The following EPHB2 variants were observed in gnomAD, a reference collection of about 807,000 sequenced individuals.
The protein encoded by EPHB2 is ephrin type-B receptor 2.
In EPHB2, 18 loss-of-function variants were observed where a neutral mutation model predicts 96.4. The ratio of observed to expected loss-of-function variants is 0.19; its 90% CI spans 0.13 to 0.28. The LOEUF is 0.28. EPHB2 is among the 10% of genes least tolerant of loss of function. EPHB2 has a pLI of 1.00. For missense variants in EPHB2, 989 were observed against 1,355.4 expected, an observed-to-expected ratio of 0.73 and a Z score of 4.25; for synonymous variants, 506 against 534.1, an observed-to-expected ratio of 0.95 and a Z score of 0.72.
At chr1:22,775,218 T>A (rs776503427) in intron 1 of EPHB2, 1 of 779,848 alleles carries the variant, frequency 1.3e-6, no homozygotes, top group South Asian at 1.3e-5. Flanking sequence ...GTTCCAGTCC[T>A]AGCCCTGCCT....
intron 3 of EPHB2, among the ~76,000 whole-genome samples, chr1:22,802,457 A>G (rs1644858341): frequency 1.3e-5 from 2 of 152,072 alleles, no homozygotes; most frequent in Non-Finnish European, 2.9e-5. Flanking sequence ...TGTCTAGAGA[A>G]TCTGCCACCA....
intron 3 of EPHB2, among the ~76,000 whole-genome samples, chr1:22,830,542 A>G (rs541132762): frequency 5.0e-4 from 76 of 152,238 alleles, no homozygotes; most frequent in African/African-American, 1.7e-3. Flanking sequence ...CTGGCCCTTA[A>G]TGTGTTCAAA....
intron 1 of EPHB2, among the ~76,000 whole-genome samples, chr1:22,779,504 C>T (rs994305887): frequency 2.6e-5 from 4 of 152,208 alleles, no homozygotes; most frequent in African/African-American, 9.7e-5. Flanking sequence ...TTATCCCCTC[C>T]ACCCCTGCCA....
At chr1:22,761,210 C>A (rs958040286) in intron 1 of EPHB2, among the ~76,000 whole-genome samples, 2 of 152,202 alleles carry the variant, frequency 1.3e-5, no homozygotes, top group Non-Finnish European at 2.9e-5. Context: ...TGATGCACAG[C>A]CAGCTGCTAC....
At chr1:22,826,660 C>A (rs1184043290) in intron 3 of EPHB2, among the ~76,000 whole-genome samples, 1 of 152,270 alleles carries the variant, frequency 6.6e-6, no homozygotes, top group East Asian at 1.9e-4. Context: ...TCCCCCAGGA[C>A]AGTGAGCTCT....
At chr1:22,853,399 G>A (rs1404738160) in intron 3 of EPHB2, among the ~76,000 whole-genome samples, 1 of 152,196 alleles carries the variant, frequency 6.6e-6, no homozygotes, top group East Asian at 1.9e-4. Flanking sequence ...GCCAGACCTC[G>A]GGGTTACCCA....
rs1487297022 is a variant in EPHB2 at position 22,863,361 on chromosome 1, C to T, written c.967+169C>T. 3 of 1,039,910 alleles carry T rather than the reference C, an allele frequency of 2.9e-6. No individual in the cohort carries two copies. The African/African-American group carries it at 4.7e-5, about 16-fold the overall frequency. 64.4% of individuals were successfully genotyped at this position (1,039,910 alleles called of 1,614,324 possible). On this transcript the variant is annotated intron_variant, in intron 4 of 15. Transcript: ENST00000374630. ...GGGCATCCTGGGGTGGCCATGCTCC[C>T]ACCTTGCAGACACCACAGTGCTGGC... is the stretch of plus-strand genomic sequence containing the variant.
chr1:22,908,896 A>T, intron 12 of EPHB2, 126 bp from the exon 13 acceptor site: 4 of 1,433,204 alleles, frequency 2.8e-6, no homozygotes, highest in South Asian at 2.4e-5. Context: ...GCTGCATGGT[A>T]AGTTTGGGGC....
intron 3 of EPHB2, among the ~76,000 whole-genome samples, chr1:22,849,796 C>G (rs549429020): frequency 6.6e-5 from 10 of 152,350 alleles, no homozygotes; most frequent in Non-Finnish European, 1.3e-4. Context: ...ATCTCTCTTG[C>G]TCTGTCACTT....
At position 22,910,453 on chromosome 1, in the gene EPHB2, C is replaced by T. The variant is rs770058574; in HGVS notation, c.2574C>T (p.Leu858=). The change falls in exon 14 of 16, where the codon CTC becomes CTT. Residue 858 remains leucine (L), a synonymous_variant. Coordinates refer to ENST00000374630, the MANE Select transcript of EPHB2 (RefSeq NM_017449.5). ...ACTGCCCGAGCGCCCTGCACCAACTCATGCTGGACTGTTGGCAGAAGGACC... is the reference window on the plus strand; with the variant it reads ...ACTGCCCGAGCGCCCTGCACCAACTTATGCTGGACTGTTGGCAGAAGGACC... The part of the protein sequence containing the change: ...PMDCPSALHQ[L]MLDCWQKDRN... The T allele has an allele frequency of 1.9e-6, 3 of 1,614,222 alleles. No homozygotes were observed. The highest frequency in any genetic ancestry group is 1.7e-5 in the Admixed American group (1 of 60,034).
At chr1:22,796,598 C>T (rs1156838790) in intron 3 of EPHB2, among the ~76,000 whole-genome samples, 3 of 152,232 alleles carry the variant, frequency 2.0e-5, no homozygotes, top group African/African-American at 7.2e-5. Flanking sequence ...AAGGCCACAG[C>T]TTGCCAGCTT....
chr1:22,741,690 A>C (rs80232271), intron 1 of EPHB2, among the ~76,000 whole-genome samples: 2,890 of 133,702 alleles, frequency 0.022, 176 homozygotes, highest in East Asian at 0.16. Context: ...AAAAAAAAAC[A>C]AAAAAACAAA....
chr1:22,864,791 G>T, intron 4 of EPHB2, 86 bp from the exon 5 acceptor site: 2 of 847,064 alleles, frequency 2.4e-6, no homozygotes, highest in South Asian at 1.7e-5. Context: ...CAGAGGGGCT[G>T]AGCCAGAGCA....
At chr1:22,825,423 T>C (rs2148479261) in intron 3 of EPHB2, among the ~76,000 whole-genome samples, 1 of 148,790 alleles carries the variant, frequency 6.7e-6, no homozygotes, top group Non-Finnish European at 1.5e-5. Context: ...TGGAGAGGGC[T>C]GGGAAGGAGC....
intron 12 of EPHB2, among the ~76,000 whole-genome samples, chr1:22,908,528 G>A (rs900099102): frequency 2.0e-5 from 3 of 152,270 alleles, no homozygotes; most frequent in Admixed American, 1.3e-4. Flanking sequence ...GGCTGTAGGG[G>A]CAGTGGTAGT....
At chr1:22,783,889 C>G (rs573161803) in intron 2 of EPHB2, among the ~76,000 whole-genome samples, 1 of 152,280 alleles carries the variant, frequency 6.6e-6, no homozygotes, top group East Asian at 1.9e-4. Flanking sequence ...TCTTCCCCAT[C>G]ATCCTAGGCG....
chr1:22,810,111 G>A (rs1404537551), intron 3 of EPHB2, among the ~76,000 whole-genome samples: 2 of 152,268 alleles, frequency 1.3e-5, no homozygotes, highest in East Asian at 3.9e-4. Flanking sequence ...CAGCCTGATG[G>A]GGTGTTTGGT....
intron 1 of EPHB2, among the ~76,000 whole-genome samples, chr1:22,778,048 C>T (rs768393311): frequency 6.6e-5 from 10 of 152,130 alleles, no homozygotes; most frequent in Non-Finnish European, 1.3e-4. Flanking sequence ...TCTTCTTAGA[C>T]ATAGTCTTGC....
chr1:22,914,129 C>A lies in EPHB2; in HGVS notation c.*559C>A. On this transcript the variant is annotated 3_prime_UTR_variant, in exon 16 of 16. Transcript: ENST00000374630. ...CCCCTCTGGGAAAATCTATTCCTGC[C>A]ACCACTGGGCAAACAGAAGAATTTT... 2.2e-6 allele frequency: 1 copy of A among 455,370 alleles called. No homozygotes were observed. The highest frequency in any genetic ancestry group is 2.0e-5 in the African/African-American group (1 of 50,478). The allele number at this position is 455,370 out of a possible 1,614,324, so 28.2% of individuals were successfully genotyped here.
Sources: allele counts gnomAD v4.1 joint callset (sites outside exome capture counted in the v4.1 genomes callset), GRCh38; gene constraint gnomAD v4.1.1; transcripts MANE v1.5; gene names NCBI Gene and HGNC (gene_info 2026-07-23, HGNC 2026-07-21).